The following PLCG2 variants were observed in gnomAD, a reference collection of about 807,000 sequenced individuals.
The protein encoded by PLCG2 is phospholipase C gamma 2.
In PLCG2, 69 loss-of-function variants were observed where a neutral mutation model predicts 175.6. That is an observed-to-expected ratio of 0.39 (90% CI 0.32 to 0.48). The LOEUF is 0.48. PLCG2 is among the 20% of genes least tolerant of loss of function. PLCG2 has a pLI of 0.91. For synonymous variants in PLCG2, 827 were observed against 624.0 expected, an observed-to-expected ratio of 1.33 and a Z score of -4.85; for missense variants, 1,798 against 1,650.9, an observed-to-expected ratio of 1.09 and a Z score of -1.54.
At position 81,844,647 on chromosome 16, in the gene PLCG2, C is replaced by G. The variant is rs1462445499; in HGVS notation, c.194-9797C>G. 2.6e-5 allele frequency among the ~76,000 whole-genome samples: 4 copies of G among 152,324 alleles called. No homozygotes were observed. In the East Asian group the frequency reaches 5.8e-4, roughly 22 times the overall value. On this transcript the variant is annotated intron_variant, in intron 2 of 32. Coordinates refer to ENST00000564138, the MANE Select transcript of PLCG2 (RefSeq NM_002661.5). ...CACACCTTCACTGTTTTCATTGGCACCTAGGTGCTCGTGAACCTCGTACAG... is the reference window on the plus strand; with the variant it reads ...CACACCTTCACTGTTTTCATTGGCAGCTAGGTGCTCGTGAACCTCGTACAG...
At chr16:81,834,529 A>T (rs767334364) in intron 2 of PLCG2, among the ~76,000 whole-genome samples, 28 of 152,086 alleles carry the variant, frequency 1.8e-4, no homozygotes, top group Non-Finnish European at 2.8e-4. Flanking sequence ...GCTTTGGGAG[A>T]GACCGCTGAG....
chr16:81,925,478 C>T (rs1262717506), intron 22 of PLCG2, among the ~76,000 whole-genome samples: 1 of 152,182 alleles, frequency 6.6e-6, no homozygotes, highest in Non-Finnish European at 1.5e-5. Flanking sequence ...GGGCTTACAA[C>T]CCGCAGTCCT....
At chr16:81,957,605 C>T (rs1911627760) in intron 32 of PLCG2, among the ~76,000 whole-genome samples, 1 of 152,018 alleles carries the variant, frequency 6.6e-6, no homozygotes, top group Non-Finnish European at 1.5e-5. Flanking sequence ...GCCGGGGTTG[C>T]CAAGTGTTTC....
intron 2 of PLCG2, among the ~76,000 whole-genome samples, chr16:81,818,136 C>T (rs779765996): frequency 8.7e-4 from 133 of 152,204 alleles, no homozygotes; most frequent in Non-Finnish European, 1.6e-3. Flanking sequence ...CGTGAGTATT[C>T]AGCCAGCTAG....
intron 2 of PLCG2, among the ~76,000 whole-genome samples, chr16:81,819,975 C>T (rs1193307902): frequency 1.3e-5 from 2 of 152,172 alleles, no homozygotes; most frequent in Non-Finnish European, 2.9e-5. Context: ...AAAAGATAGA[C>T]AAACACAAAA....
At position 81,835,523 on chromosome 16, in the gene PLCG2, G is replaced by T. The variant is rs540112287; in HGVS notation, c.194-18921G>T. Among the ~76,000 whole-genome samples, 113 of 152,226 alleles carry T rather than the reference G, an allele frequency of 7.4e-4. No homozygotes were observed. In the Middle Eastern group the frequency reaches 0.014, roughly 18 times the overall value. ...AAACCTGGGAGGTGGAGGTTGCTGT[G>T]AGCTGAGATTGTGCCATTGCTCTCT... On this transcript the variant is annotated intron_variant, in intron 2 of 32. Coordinates refer to ENST00000564138, the MANE Select transcript of PLCG2 (RefSeq NM_002661.5).
At chr16:81,905,581 C>A in intron 15 of PLCG2, 74 bp downstream of exon 15, 1 of 930,454 alleles carries the variant, frequency 1.1e-6, no homozygotes, top group Admixed American at 1.9e-5. Flanking sequence ...CTGCTGGGAG[C>A]TCTGAGAATA....
At chr16:81,874,514 C>T (rs1050417838) in intron 7 of PLCG2, among the ~76,000 whole-genome samples, 1 of 152,340 alleles carries the variant, frequency 6.6e-6, no homozygotes, top group Middle Eastern at 3.4e-3. Context: ...ATCCCCTAAC[C>T]TGTTAGCAAA....
intron 27 of PLCG2, among the ~76,000 whole-genome samples, 195 bp downstream of exon 27, chr16:81,936,573 G>T (rs1364497021): frequency 1.3e-5 from 2 of 152,238 alleles, no homozygotes; most frequent in Non-Finnish European, 2.9e-5. Context: ...ACCGAAGGCT[G>T]CTTGGCTTAC....
intron 22 of PLCG2, among the ~76,000 whole-genome samples, chr16:81,925,609 C>T (rs1567535326): frequency 1.3e-5 from 2 of 152,174 alleles, no homozygotes; most frequent in Admixed American, 6.5e-5. Context: ...AAAGGTCAGC[C>T]GGGTGCAGTG....
At chr16:81,750,284 G>T (rs892090045) in intron 1 of PLCG2, among the ~76,000 whole-genome samples, 1 of 151,974 alleles carries the variant, frequency 6.6e-6, no homozygotes, top group Non-Finnish European at 1.5e-5. Context: ...GCTGGACATG[G>T]TGGCGGGCAT....
chr16:81,827,177 A>G (rs1180184947), intron 2 of PLCG2, among the ~76,000 whole-genome samples: 2 of 143,366 alleles, frequency 1.4e-5, no homozygotes, highest in African/African-American at 2.5e-5. Flanking sequence ...CATACATTAT[A>G]GAGGATTGCT....
At chr16:81,774,831 G>C (rs1406286596), upstream of PLCG2, among the ~76,000 whole-genome samples, 1 of 151,360 alleles carries the variant, frequency 6.6e-6, no homozygotes, top group Non-Finnish European at 1.5e-5. Context: ...TGCAACCTCT[G>C]CCTCCTGGGC....
intron 1 of PLCG2, among the ~76,000 whole-genome samples, chr16:81,747,155 G>A (rs962230400): frequency 1.3e-5 from 2 of 152,126 alleles, no homozygotes; most frequent in South Asian, 4.1e-4. Context: ...AATTACAAAG[G>A]CATATATGTG....
chr16:81,958,837 G>C lies in PLCG2; in HGVS notation c.*839G>C, dbSNP rs1196895749. ...GGCCCTTGGTCCACAGCTCTCCACA[G>C]GCAAGAGGTCAACTGCTGCTTGAAA... On this transcript the variant is annotated 3_prime_UTR_variant, in exon 33 of 33. Transcript: ENST00000564138. 4.5e-6 allele frequency: 1 copy of C among 221,764 alleles called. No homozygotes were observed. Among genetic ancestry groups the C allele is most frequent in the Non-Finnish European group, 9.0e-6 (1 of 110,822 alleles). 13.7% of individuals were successfully genotyped at this position (221,764 alleles called of 1,614,324 possible).
Position 81,751,747 on chromosome 16 carries a change from T to A in PLCG2, c.-144-4123T>A, listed in dbSNP as rs115307012. 8.4e-3 allele frequency among the ~76,000 whole-genome samples: 1,272 copies of A among 152,172 alleles called. 17 individuals carry two copies. The highest frequency in any genetic ancestry group is 0.029 in the African/African-American group (1,186 of 41,532). Reference sequence around the variant, plus strand: ...CTATAAATATGTAAAAGAGTCCGGGTGCAGTGGCTCACAGCTGTAATCCTA... The same window carrying A: ...CTATAAATATGTAAAAGAGTCCGGGAGCAGTGGCTCACAGCTGTAATCCTA... On this transcript the variant is annotated intron_variant, in intron 1 of 5. Transcript: ENST00000565054.
chr16:81,919,411 C>A, intron 19 of PLCG2, 73 bp from the exon 20 acceptor site: 1 of 1,177,762 alleles, frequency 8.5e-7, no homozygotes, highest in Non-Finnish European at 1.3e-6. Flanking sequence ...TGTATCTAAT[C>A]AGTAGGGTTT....
rs1906705208 is a variant in PLCG2, at chr16:81,856,754, A to G, written c.338-1509A>G. Among the ~76,000 whole-genome samples the G allele has an allele frequency of 1.3e-5, 2 of 152,176 alleles. 1 individual carries two copies. Among genetic ancestry groups the G allele is most frequent in the African/African-American group, 4.8e-5 (2 of 41,448 alleles). ...AATCCCGGGAACTTGTGAATATATT[A>G]TCCTCTATGGAAAAGGAGACTTGGC... On this transcript the variant is annotated intron_variant, in intron 3 of 32. Transcript: ENST00000564138.
At chr16:81,916,789 C>T (rs940849455) in intron 19 of PLCG2, among the ~76,000 whole-genome samples, 3 of 152,116 alleles carry the variant, frequency 2.0e-5, no homozygotes, top group African/African-American at 7.2e-5. Context: ...AGGCATGCAC[C>T]ACCATGCCTG....
Sources: gnomAD v4.1 joint callset for allele counts (sites outside exome capture counted in the v4.1 genomes callset) on GRCh38, gnomAD v4.1.1 for gene constraint, MANE v1.5 for transcripts, NCBI Gene and HGNC (gene_info 2026-07-23, HGNC 2026-07-21) for gene names.